ARHGAP28: variants seen among roughly 807,000 people sequenced by gnomAD.
ARHGAP28 encodes the protein Rho GTPase activating protein 28.
In ARHGAP28, 56 loss-of-function variants were observed where a neutral mutation model predicts 90.7. The observed-to-expected ratio is 0.62, with a 90% CI of 0.50 to 0.77. The LOEUF (loss-of-function observed/expected upper bound fraction) is 0.77. ARHGAP28 is among the 30% of genes least tolerant of loss of function. The pLI is 0.00. For missense variants in ARHGAP28, 869 were observed against 900.9 expected (o/e 0.96, Z 0.45); for synonymous variants, 308 against 323.3 (o/e 0.95, Z 0.51).
At chr18:6,830,102 T>C (rs1025601234) in intron 2 of ARHGAP28, among the ~76,000 whole-genome samples, 6 of 152,212 alleles carry the variant, frequency 3.9e-5, no homozygotes, top group Non-Finnish European at 7.3e-5. Flanking sequence ...ATACCAGTTA[T>C]GTTGGATTAA....
chr18:6,810,336 A>G (rs891303711), intron 1 of ARHGAP28, among the ~76,000 whole-genome samples: 1 of 152,192 alleles, frequency 6.6e-6, no homozygotes, highest in Non-Finnish European at 1.5e-5. Flanking sequence ...GAAAGATTCC[A>G]AGCCCAGGGA....
intron 1 of ARHGAP28, among the ~76,000 whole-genome samples, chr18:6,798,141 A>C (rs928374553): frequency 6.6e-6 from 1 of 152,170 alleles, no homozygotes; most frequent in Admixed American, 6.5e-5. Flanking sequence ...ATATGCAAAA[A>C]AACACCTCCA....
At chr18:6,826,683 CTTTT>C (rs36069648) in intron 2 of ARHGAP28, among the ~76,000 whole-genome samples, 1 of 88,262 alleles carries the variant, frequency 1.1e-5, no homozygotes, top group South Asian at 5.3e-4. Context: ...GGATTTTGAG[CTTTT>C]TTTTTTTTTT....
intron 1 of ARHGAP28, among the ~76,000 whole-genome samples, chr18:6,743,851 CTGGGGCTACAAAAATGG>C (rs1335415441): frequency 6.6e-6 from 1 of 152,172 alleles, no homozygotes; most frequent in Non-Finnish European, 1.5e-5. Flanking sequence ...ATATTGGATG[CTGGGGCTACAAAAATGG>C]TTAATAGCTG....
intron 1 of ARHGAP28, among the ~76,000 whole-genome samples, chr18:6,809,172 A>G (rs1034587100): frequency 6.6e-6 from 1 of 152,196 alleles, no homozygotes; most frequent in Middle Eastern, 3.2e-3. Context: ...CCCTGGCATC[A>G]TAGTCCTGTT....
At position 6,730,219 on chromosome 18, in the gene ARHGAP28, G is replaced by GTATATATATATATATA. The variant is rs374482561; in HGVS notation, c.122+277_122+278insATATATATATATATAT. On this transcript the variant is annotated intron_variant, in intron 1 of 17. Coordinates refer to ENST00000383472, the MANE Select transcript of ARHGAP28 (RefSeq NM_001366230.1). ...TTGATACGATTTGAGGATAAGTCAT[G>GTATATATATATATATA]TGTATATATATATATATACCTCATT... 5.5e-3 allele frequency: 875 copies of GTATATATATATATATA among 158,672 alleles called. 48 individuals carry two copies. The highest frequency in any genetic ancestry group is 0.015 in the Middle Eastern group (7 of 464). The allele number at this position is 158,672 out of a possible 1,614,324, so 9.8% of individuals were successfully genotyped here.
intron 3 of ARHGAP28, among the ~76,000 whole-genome samples, chr18:6,842,443 T>C (rs2056834678): frequency 6.6e-6 from 1 of 152,176 alleles, no homozygotes; most frequent in Non-Finnish European, 1.5e-5. Context: ...TCCCTGTCAT[T>C]ATAGCTAGCA....
intron 5 of ARHGAP28, among the ~76,000 whole-genome samples, chr18:6,862,649 T>G (rs1403429517): frequency 6.6e-6 from 1 of 152,214 alleles, no homozygotes; most frequent in Non-Finnish European, 1.5e-5. Context: ...TAGAAATTTT[T>G]TCTTCCAGAT....
intron 1 of ARHGAP28, among the ~76,000 whole-genome samples, chr18:6,821,639 C>T (rs1258899344): frequency 6.6e-6 from 1 of 152,104 alleles, no homozygotes; most frequent in Non-Finnish European, 1.5e-5. Context: ...TGCTCTTATC[C>T]CCAAAAATGC....
intron 3 of ARHGAP28, among the ~76,000 whole-genome samples, chr18:6,838,349 T>G (rs748135977): frequency 1.6e-4 from 24 of 152,198 alleles, no homozygotes; most frequent in Non-Finnish European, 3.1e-4. Context: ...TCAGGGGTAT[T>G]GAGTAGAAAT....
chr18:6,886,790 G>A (rs2057224781), intron 11 of ARHGAP28, among the ~76,000 whole-genome samples: 1 of 152,150 alleles, frequency 6.6e-6, no homozygotes, highest in African/African-American at 2.4e-5. Flanking sequence ...ATACTTTTCT[G>A]CCTCATTATA....
chr18:6,823,477 T>C (rs989790560), intron 1 of ARHGAP28, among the ~76,000 whole-genome samples: 1 of 152,102 alleles, frequency 6.6e-6, no homozygotes, highest in Non-Finnish European at 1.5e-5. Flanking sequence ...GAATGGTCAA[T>C]AGCCAAAAGC....
intron 1 of ARHGAP28, among the ~76,000 whole-genome samples, chr18:6,733,717 T>A (rs2055902925): frequency 6.6e-6 from 1 of 152,194 alleles, no homozygotes; most frequent in South Asian, 2.1e-4. Flanking sequence ...CTAATAGGCA[T>A]ACAAACTTTT....
chr18:6,841,425 C>T (rs2056826604), intron 3 of ARHGAP28, among the ~76,000 whole-genome samples: 1 of 149,936 alleles, frequency 6.7e-6, no homozygotes, highest in African/African-American at 2.4e-5. Flanking sequence ...ATAAATTTGA[C>T]CCAATATACT....
In ARHGAP28 at chr18:6,837,709, C is replaced by A. The variant is rs375875102; in HGVS notation, c.543+295C>A. Among the ~76,000 whole-genome samples, 354 of 152,050 alleles carry A rather than the reference C, an allele frequency of 2.3e-3. 4 individuals carry two copies. Among genetic ancestry groups the A allele is most frequent in the Middle Eastern group, 0.01 (3 of 294 alleles). On this transcript the variant is annotated intron_variant, in intron 3 of 17. Transcript: ENST00000383472. Reference sequence around the variant, plus strand: ...GTCTTTGTGGGTAGGATCCGGGGACCCTTTACTTAAATTTAAGCACTGAAT... The same window carrying A: ...GTCTTTGTGGGTAGGATCCGGGGACACTTTACTTAAATTTAAGCACTGAAT...
At chr18:6,751,632 C>G (rs1439377180) in intron 1 of ARHGAP28, among the ~76,000 whole-genome samples, 5 of 152,146 alleles carry the variant, frequency 3.3e-5, no homozygotes, top group African/African-American at 4.8e-5. Context: ...ATTGCATCAA[C>G]AAGAAGAAAA....
At chr18:6,808,048 T>C (rs895339109) in intron 1 of ARHGAP28, among the ~76,000 whole-genome samples, 5 of 152,218 alleles carry the variant, frequency 3.3e-5, no homozygotes, top group Non-Finnish European at 7.3e-5. Context: ...TGTATGTGTG[T>C]GTGTTTTTCA....
At chr18:6,850,053 A>G (rs1194047749) in intron 3 of ARHGAP28, among the ~76,000 whole-genome samples, 1 of 152,004 alleles carries the variant, frequency 6.6e-6, no homozygotes, top group African/African-American at 2.4e-5. Flanking sequence ...TTATTCTTGT[A>G]GAGACTTAAT....
intron 1 of ARHGAP28, among the ~76,000 whole-genome samples, chr18:6,823,381 T>G (rs1266195517): frequency 6.6e-6 from 1 of 152,118 alleles, no homozygotes; most frequent in Non-Finnish European, 1.5e-5. Flanking sequence ...GTTTCTTGTG[T>G]CTGAATTTCC....
Sources: gnomAD v4.1 joint callset for allele counts (sites outside exome capture counted in the v4.1 genomes callset) on GRCh38, gnomAD v4.1.1 for gene constraint, MANE v1.5 for transcripts, NCBI Gene and HGNC (gene_info 2026-07-23, HGNC 2026-07-21) for gene names.